CTNNA1: variants seen among roughly 807,000 people sequenced by gnomAD.
CTNNA1 encodes catenin alpha 1.
Under a neutral mutation model 98.4 loss-of-function variants are expected in CTNNA1, and 37 were observed. That is an observed-to-expected ratio of 0.38 (90% CI 0.29 to 0.49). The LOEUF (loss-of-function observed/expected upper bound fraction) is 0.49. CTNNA1 is among the 20% of genes least tolerant of loss of function. The pLI is 0.95. For synonymous variants in CTNNA1, 404 were observed against 413.2 expected (o/e 0.98, Z 0.27); for missense variants, 761 against 1,147.2 (o/e 0.66, Z 4.86).
At chr5:138,924,771 C>G in intron 12 of CTNNA1, 61 bp downstream of exon 12, 2 of 1,397,692 alleles carry the variant, frequency 1.4e-6, no homozygotes, top group Non-Finnish European at 2.0e-6. Context: ...GGCAGGCCAC[C>G]CCATTAGCCC....
At chr5:138,876,280 C>T (rs1317068571) in intron 7 of CTNNA1, among the ~76,000 whole-genome samples, 1 of 152,184 alleles carries the variant, frequency 6.6e-6, no homozygotes, top group Non-Finnish European at 1.5e-5. Flanking sequence ...ACCCTAGTTC[C>T]CAGCCACCAA....
chr5:138,902,136 G>T (rs1758175286), intron 9 of CTNNA1, among the ~76,000 whole-genome samples: 1 of 152,168 alleles, frequency 6.6e-6, no homozygotes, highest in South Asian at 2.1e-4. Flanking sequence ...GTTAGTGTTT[G>T]TAATCATGAA....
intron 7 of CTNNA1, chr5:138,872,252 T>A (rs938616167): frequency 1.3e-5 from 2 of 152,666 alleles, no homozygotes; most frequent in Admixed American, 1.3e-4. Context: ...ACAAAAATCA[T>A]GTCCATTATA....
At chr5:138,831,733 A>G (rs1262341861) in intron 7 of CTNNA1, among the ~76,000 whole-genome samples, 1 of 152,040 alleles carries the variant, frequency 6.6e-6, no homozygotes, top group Non-Finnish European at 1.5e-5. Context: ...CATTTCTTTT[A>G]TCCATTTTAT....
intron 3 of CTNNA1, among the ~76,000 whole-genome samples, chr5:138,785,085 G>C (rs1276284426): frequency 3.5e-5 from 5 of 142,190 alleles, no homozygotes; most frequent in Non-Finnish European, 6.0e-5. Context: ...TTTTTGAGAC[G>C]GAGTCTCGCT....
chr5:138,909,078 A>G (rs1325415108), intron 10 of CTNNA1, among the ~76,000 whole-genome samples: 1 of 152,164 alleles, frequency 6.6e-6, no homozygotes, highest in East Asian at 1.9e-4. Flanking sequence ...CAAAAACACA[A>G]AAACCCCAAA....
At chr5:138,816,196 C>T (rs1446257721) in intron 5 of CTNNA1, among the ~76,000 whole-genome samples, 1 of 152,190 alleles carries the variant, frequency 6.6e-6, no homozygotes, top group Non-Finnish European at 1.5e-5. Context: ...TGAGGTCATC[C>T]ATGTTTCCAT....
chr5:138,930,710 G>C (rs2150335869), intron 15 of CTNNA1, 56 bp downstream of exon 15: 1 of 1,582,146 alleles, frequency 6.3e-7, no homozygotes, highest in Non-Finnish European at 8.6e-7. Context: ...TTCCCCACAG[G>C]TCACCTGCGC....
chr5:138,897,618 C>T (rs935727695), intron 9 of CTNNA1, among the ~76,000 whole-genome samples: 3 of 151,950 alleles, frequency 2.0e-5, no homozygotes, highest in Admixed American at 6.6e-5. Context: ...AATGTTTTCA[C>T]GAGAGAAGTT....
intron 1 of CTNNA1, among the ~76,000 whole-genome samples, chr5:138,758,324 C>T (rs1751924944): frequency 6.6e-6 from 1 of 152,156 alleles, no homozygotes; most frequent in African/African-American, 2.4e-5. Flanking sequence ...GCCTCAGCCT[C>T]CCTAGTAGCT....
At chr5:138,846,227 C>T (rs1325739549) in intron 7 of CTNNA1, among the ~76,000 whole-genome samples, 4 of 152,206 alleles carry the variant, frequency 2.6e-5, no homozygotes, top group African/African-American at 9.7e-5. Flanking sequence ...GCTGGGATTA[C>T]AGGCGCGAGC....
chr5:138,894,281 C>CTTTT lies in CTNNA1; in HGVS notation c.1296+6654_1296+6657dup, dbSNP rs539073038. The stretch of plus-strand genomic sequence containing the variant: ...ATATAGAGCCTTTACTTTTCTTTCT[C>CTTTT]TTTTTTTTTTTTTTTTTTGAGACAA... On this transcript the variant is annotated intron_variant, in intron 9 of 17. Coordinates refer to ENST00000302763, the MANE Select transcript of CTNNA1 (RefSeq NM_001903.5). Among the ~76,000 whole-genome samples, 39 of 123,926 alleles carry CTTTT rather than the reference C, an allele frequency of 3.1e-4. 2 individuals carry two copies. Among genetic ancestry groups the CTTTT allele is most frequent in the African/African-American group, 3.5e-4 (9 of 25,614 alleles). The allele number at this position is 123,926 out of a possible 152,430, so 81.3% of individuals were successfully genotyped here. A position where few individuals can be genotyped will look rare whatever the true frequency, so the allele number is the denominator to read the frequency against.
At chr5:138,904,752 TCTGAGACC>T (rs1382950223) in intron 10 of CTNNA1, 44 of 239,738 alleles carry the variant, frequency 1.8e-4, no homozygotes, top group Non-Finnish European at 3.2e-4. Context: ...AGCCCAGGAA[TCTGAGACC>T]AGCCTGGGCA....
At chr5:138,898,639 G>A (rs963268124) in intron 9 of CTNNA1, among the ~76,000 whole-genome samples, 2 of 150,526 alleles carry the variant, frequency 1.3e-5, no homozygotes, top group African/African-American at 2.4e-5. Context: ...GCTTTACTAC[G>A]ACATGTCTAA....
intron 7 of CTNNA1, chr5:138,872,027 AGTGTGTGTGTGTGTGTGTGTGTGTGTGT>A (rs370259988): frequency 7.5e-6 from 1 of 133,066 alleles, no homozygotes; most frequent in Non-Finnish European, 1.6e-5. Flanking sequence ...AGAGCGCGAG[AGTGTGTGTGTGTGTGTGTGTGTGTGTGT>A]GTGTGTGTGT....
chr5:138,794,451 A>T (rs1756714147), intron 3 of CTNNA1, among the ~76,000 whole-genome samples: 1 of 152,220 alleles, frequency 6.6e-6, no homozygotes, highest in African/African-American at 2.4e-5. Context: ...ACTTACAGGG[A>T]TATCATCTAG....
At chr5:138,854,912 C>T (rs1433101462) in intron 7 of CTNNA1, among the ~76,000 whole-genome samples, 2 of 152,116 alleles carry the variant, frequency 1.3e-5, no homozygotes, top group Non-Finnish European at 2.9e-5. Context: ...CTTTTGAGTA[C>T]CCATTATAAC....
intron 11 of CTNNA1, among the ~76,000 whole-genome samples, chr5:138,921,228 G>A (rs1253340296): frequency 6.6e-6 from 1 of 152,168 alleles, no homozygotes. Context: ...GATTGTATTT[G>A]ATAAACGTTT....
chr5:138,887,468 A>G lies in CTNNA1; in HGVS notation c.1144-22A>G, dbSNP rs1754328340. 4.5e-6 allele frequency: 7 copies of G among 1,565,214 alleles called. No individual in the cohort carries two copies. The East Asian group carries it at 1.1e-4, about 25-fold the overall frequency. Reference sequence around the variant, plus strand: ...ACCTTTTTGGTAGAAATAAAATCAAATTTTTACAATTTAATCATTAGCTCC... The same window carrying G: ...ACCTTTTTGGTAGAAATAAAATCAAGTTTTTACAATTTAATCATTAGCTCC... On this transcript the variant is annotated intron_variant, in intron 8 of 17. Transcript: ENST00000302763.
Sources: gnomAD v4.1 joint callset for allele counts (sites outside exome capture counted in the v4.1 genomes callset) on GRCh38, gnomAD v4.1.1 for gene constraint, MANE v1.5 for transcripts, NCBI Gene and HGNC (gene_info 2026-07-23, HGNC 2026-07-21) for gene names.